Variants in CSMD1 observed in about 807,000 individuals in gnomAD.
CSMD1 encodes the protein CUB and sushi domain-containing protein 1.
CSMD1 carries 213 observed loss-of-function variants against 417.5 expected under a neutral mutation model. The observed-to-expected ratio is 0.51, with a 90% CI of 0.46 to 0.57. The LOEUF is 0.57. CSMD1 is among the 20% of genes least tolerant of loss of function. The pLI is 0.00. For synonymous variants in CSMD1, 2,862 were observed against 1,736.8 expected (o/e 1.65, Z -16.11); for missense variants, 6,923 against 4,529.7 (o/e 1.53, Z -15.17).
At chr8:3,576,374 C>CTCT (rs1800152699) in intron 9 of CSMD1, among the ~76,000 whole-genome samples, 1 of 135,320 alleles carries the variant, frequency 7.4e-6, no homozygotes, top group African/African-American at 2.6e-5. Context: ...GAGATCTCTC[C>CTCT]TAAATGGTTA....
chr8:4,506,368 A>G (rs73496666), intron 2 of CSMD1, among the ~76,000 whole-genome samples: 2,077 of 151,580 alleles, frequency 0.014, 60 homozygotes, highest in African/African-American at 0.048. Flanking sequence ...CTCCTTTTCC[A>G]TGAGCCCAAG....
intron 1 of CSMD1, among the ~76,000 whole-genome samples, chr8:4,843,362 C>A (rs1800948639): frequency 6.6e-6 from 1 of 152,110 alleles, no homozygotes; most frequent in South Asian, 2.1e-4. Flanking sequence ...AAATATATAC[C>A]TTAGGGATGA....
intron 3 of CSMD1, among the ~76,000 whole-genome samples, chr8:4,253,684 G>A (rs902168775): frequency 3.3e-5 from 5 of 151,668 alleles, no homozygotes; most frequent in African/African-American, 1.2e-4. Flanking sequence ...CATTGATTCT[G>A]CAATATAAAA....
intron 3 of CSMD1, among the ~76,000 whole-genome samples, chr8:4,047,655 T>C (rs549183026): frequency 2.0e-5 from 3 of 152,284 alleles, no homozygotes; most frequent in South Asian, 2.1e-4. Flanking sequence ...TGAGTATATT[T>C]GGGGCATGCA....
At chr8:3,009,611 G>A (rs559834702) in intron 52 of CSMD1, among the ~76,000 whole-genome samples, 9 of 152,276 alleles carry the variant, frequency 5.9e-5, no homozygotes, top group African/African-American at 1.7e-4. Flanking sequence ...ATCTCCATAT[G>A]CTAAAGAAAC....
chr8:3,989,266 A>G (rs1157071864), intron 5 of CSMD1, among the ~76,000 whole-genome samples: 4 of 152,214 alleles, frequency 2.6e-5, no homozygotes, highest in African/African-American at 7.2e-5. Context: ...GCTCTACGTC[A>G]TCAAGCTCAG....
At chr8:3,866,459 G>T (rs1805112318) in intron 5 of CSMD1, among the ~76,000 whole-genome samples, 1 of 152,192 alleles carries the variant, frequency 6.6e-6, no homozygotes, top group African/African-American at 2.4e-5. Context: ...AATAGTGTGT[G>T]CTTGTGATAT....
chr8:3,752,826 C>A (rs1797427097), intron 6 of CSMD1, among the ~76,000 whole-genome samples: 1 of 152,110 alleles, frequency 6.6e-6, no homozygotes, highest in East Asian at 1.9e-4. Flanking sequence ...TTCTCAGCAC[C>A]CTCTGCATTT....
chr8:3,307,884 A>G (rs1024059190), intron 24 of CSMD1, 63 bp from the exon 25 acceptor site: 59 of 1,559,372 alleles, frequency 3.8e-5, no homozygotes, highest in Middle Eastern at 1.7e-4. Context: ...CTATTTAGCT[A>G]CTTTTCAAAA....
intron 3 of CSMD1, among the ~76,000 whole-genome samples, chr8:4,362,862 T>C (rs1470059977): frequency 6.6e-6 from 1 of 152,236 alleles, no homozygotes; most frequent in Non-Finnish European, 1.5e-5. Context: ...AGGGTCTCTA[T>C]AAATTCATGG....
At chr8:3,560,837 G>C (rs187072507) in intron 10 of CSMD1, among the ~76,000 whole-genome samples, 1 of 152,204 alleles carries the variant, frequency 6.6e-6, no homozygotes, top group East Asian at 1.9e-4. Context: ...TAACACAATG[G>C]CTTAGGGTAA....
chr8:4,000,035 G>A (rs927426183), intron 4 of CSMD1, among the ~76,000 whole-genome samples: 1 of 152,342 alleles, frequency 6.6e-6, no homozygotes, highest in East Asian at 1.9e-4. Flanking sequence ...AAAAATAACT[G>A]TGTGTATACT....
chr8:4,452,236 A>G (rs922254119), intron 2 of CSMD1, among the ~76,000 whole-genome samples: 6 of 152,128 alleles, frequency 3.9e-5, no homozygotes, highest in African/African-American at 1.4e-4. Context: ...TGATTCCAAC[A>G]ACCCAAACTG....
chr8:4,482,342 G>C (rs190886672), intron 2 of CSMD1, among the ~76,000 whole-genome samples: 3 of 152,186 alleles, frequency 2.0e-5, no homozygotes, highest in Admixed American at 6.5e-5. Context: ...GAGAACATGC[G>C]GTATTCGGTT....
intron 2 of CSMD1, among the ~76,000 whole-genome samples, chr8:4,576,417 T>C (rs1799139855): frequency 6.6e-6 from 1 of 152,244 alleles, no homozygotes; most frequent in Non-Finnish European, 1.5e-5. Flanking sequence ...GATTACCTCT[T>C]CTTGCAAAAT....
At chr8:4,583,870 C>T (rs892048697) in intron 2 of CSMD1, among the ~76,000 whole-genome samples, 1 of 152,104 alleles carries the variant, frequency 6.6e-6, no homozygotes, top group Non-Finnish European at 1.5e-5. Flanking sequence ...TGTTCTTTCA[C>T]TCTTTGCAAT....
At chr8:4,383,751 T>A (rs1029515024) in intron 3 of CSMD1, among the ~76,000 whole-genome samples, 5 of 150,162 alleles carry the variant, frequency 3.3e-5, no homozygotes, top group Non-Finnish European at 5.9e-5. Context: ...ATAAAAAAAA[T>A]TTCCTTTTCT....
intron 1 of CSMD1, among the ~76,000 whole-genome samples, chr8:4,895,254 A>G: frequency 6.6e-6 from 1 of 152,148 alleles, no homozygotes; most frequent in East Asian, 1.9e-4. Context: ...GAGATGAACA[A>G]TTTCTGACTC....
intron 1 of CSMD1, among the ~76,000 whole-genome samples, chr8:4,983,591 C>T (rs991737362): frequency 1.3e-5 from 2 of 152,092 alleles, no homozygotes; most frequent in South Asian, 4.1e-4. Context: ...GGTGCAATCT[C>T]GACTGACTGC....
Sources: gnomAD v4.1 joint callset for allele counts (sites outside exome capture counted in the v4.1 genomes callset) on GRCh38, gnomAD v4.1.1 for gene constraint, MANE v1.5 for transcripts, NCBI Gene and HGNC (gene_info 2026-07-23, HGNC 2026-07-21) for gene names.